FNDC3A: variants seen among roughly 807,000 people sequenced by gnomAD.
The protein encoded by FNDC3A is fibronectin type III domain containing 3A.
A neutral mutation model predicts 148.9 loss-of-function variants in FNDC3A; 32 were observed. The ratio of observed to expected loss-of-function variants is 0.21; its 90% CI spans 0.16 to 0.29. The LOEUF (loss-of-function observed/expected upper bound fraction) is 0.29. Ranked by LOEUF, FNDC3A falls within the 10% of genes least tolerant of loss-of-function variation. The pLI, the probability that FNDC3A is intolerant of heterozygous loss-of-function variation, is 1.00. For missense variants in FNDC3A, 1,191 were observed against 1,452.8 expected (o/e 0.82, Z 2.93); for synonymous variants, 472 against 473.6 (o/e 1.00, Z 0.04).
chr13:49,045,053 C>A, intron 2 of FNDC3A: 1 of 110,448 alleles, frequency 9.1e-6, no homozygotes. Flanking sequence ...TTTTCCTTTC[C>A]CTTTCCCTTT....
intron 1 of FNDC3A, among the ~76,000 whole-genome samples, chr13:48,985,769 C>A (rs989163016): frequency 2.6e-5 from 4 of 152,032 alleles, no homozygotes; most frequent in Admixed American, 6.6e-5. Context: ...AAGGGTACAC[C>A]ACAGTTGTTA....
chr13:49,018,743 T>C (rs1355494295), intron 2 of FNDC3A, among the ~76,000 whole-genome samples: 3 of 152,262 alleles, frequency 2.0e-5, no homozygotes, highest in South Asian at 4.1e-4. Context: ...TTATCTACTT[T>C]TGGTCTTTGA....
intron 1 of FNDC3A, among the ~76,000 whole-genome samples, chr13:48,984,041 T>TA (rs1443874753): frequency 2.0e-5 from 3 of 152,146 alleles, no homozygotes; most frequent in African/African-American, 7.2e-5. Flanking sequence ...TGATTGGCTA[T>TA]AAGATAAAGT....
At chr13:49,136,262 T>C in intron 5 of FNDC3A, 70 bp from the exon 6 acceptor site, 1 of 1,311,992 alleles carries the variant, frequency 7.6e-7, no homozygotes, top group Non-Finnish European at 1.0e-6. Context: ...TATTTTCTGT[T>C]CTTTTTTCAT....
chr13:49,098,358 A>C (rs1268722818), intron 3 of FNDC3A, among the ~76,000 whole-genome samples: 1 of 151,994 alleles, frequency 6.6e-6, no homozygotes, highest in Non-Finnish European at 1.5e-5. Flanking sequence ...GTGTGATGTC[A>C]AAGTGTGGGT....
chr13:49,182,142 CT>C (rs1593717788), intron 14 of FNDC3A, among the ~76,000 whole-genome samples: 2 of 152,100 alleles, frequency 1.3e-5, no homozygotes, highest in East Asian at 3.9e-4. Flanking sequence ...GCCACCACAC[CT>C]GGCTATTTTT....
chr13:49,073,751 ATATATAATATATATG>A (rs1277343001), intron 2 of FNDC3A, among the ~76,000 whole-genome samples: 3 of 146,560 alleles, frequency 2.0e-5, no homozygotes, highest in East Asian at 2.0e-4. Flanking sequence ...ATATATGTGT[ATATATAATATATATG>A]TATATAATAT....
intron 10 of FNDC3A, among the ~76,000 whole-genome samples, chr13:49,171,341 G>A (rs1884743671): frequency 6.6e-6 from 1 of 152,040 alleles, no homozygotes; most frequent in Non-Finnish European, 1.5e-5. Context: ...TTTTGACCAG[G>A]GGAGTCTTAA....
At chr13:49,079,729 C>G (rs147912176) in intron 3 of FNDC3A, among the ~76,000 whole-genome samples, 1 of 152,108 alleles carries the variant, frequency 6.6e-6, no homozygotes, top group African/African-American at 2.4e-5. Context: ...GAGCTTCTCT[C>G]TCTTCCCTTC....
At chr13:48,989,682 A>G (rs1391210776) in intron 1 of FNDC3A, among the ~76,000 whole-genome samples, 1 of 152,212 alleles carries the variant, frequency 6.6e-6, no homozygotes, top group African/African-American at 2.4e-5. Flanking sequence ...ATAAACCAAT[A>G]AGCACAATAA....
At chr13:49,028,760 A>G (rs1169664668) in intron 2 of FNDC3A, among the ~76,000 whole-genome samples, 1 of 152,218 alleles carries the variant, frequency 6.6e-6, no homozygotes, top group African/African-American at 2.4e-5. Flanking sequence ...GACAGAATTG[A>G]TGGGAGAAAT....
At position 49,085,516 on chromosome 13, in the gene FNDC3A, T is replaced by G. The variant is rs1878749415; in HGVS notation, c.175+10152T>G. Among the ~76,000 whole-genome samples the G allele has an allele frequency of 2.0e-5, 3 of 152,214 alleles. No homozygotes were observed. In the South Asian group the frequency reaches 6.2e-4, roughly 32 times the overall value. ...CTGAGACACCTCAGCCTCATGACTC[T>G]TGATACTTCAGGGCTTTGATATTAG... On this transcript the variant is annotated intron_variant, in intron 3 of 25. Coordinates refer to ENST00000492622, the MANE Select transcript of FNDC3A (RefSeq NM_001079673.2).
intron 1 of FNDC3A, among the ~76,000 whole-genome samples, chr13:48,978,006 A>G (rs1437050217): frequency 6.6e-6 from 1 of 152,078 alleles, no homozygotes; most frequent in East Asian, 1.9e-4. Flanking sequence ...GAAAAATAAA[A>G]TCCTGGTTAA....
chr13:49,171,938 C>A, intron 10 of FNDC3A, 105 bp from the exon 11 acceptor site: 2 of 760,764 alleles, frequency 2.6e-6, no homozygotes, highest in Non-Finnish European at 4.3e-6. Context: ...GACCAAGTCA[C>A]AGAAAACATC....
chr13:49,079,045 A>G (rs1878300235), intron 3 of FNDC3A, among the ~76,000 whole-genome samples: 1 of 152,218 alleles, frequency 6.6e-6, no homozygotes, highest in South Asian at 2.1e-4. Context: ...TGTTCAGAAT[A>G]TTTAGAAATG....
intron 8 of FNDC3A, among the ~76,000 whole-genome samples, chr13:49,156,183 GC>G (rs1883666402): frequency 6.7e-6 from 1 of 149,168 alleles, no homozygotes; most frequent in Non-Finnish European, 1.5e-5. Context: ...CTAAGGACTT[GC>G]TTTATGAATC....
At chr13:48,976,505 G>T (rs1951602189) in intron 1 of FNDC3A, 1 of 152,558 alleles carries the variant, frequency 6.6e-6, no homozygotes, top group South Asian at 2.1e-4. Context: ...CCCGAGGGAG[G>T]TGGCGCTGGT....
rs1268526082 is a variant in FNDC3A, at chr13:49,097,238, A to T, written c.176-17417A>T. 3.3e-5 allele frequency among the ~76,000 whole-genome samples: 5 copies of T among 152,154 alleles called. No homozygotes were observed. The East Asian group carries it at 9.7e-4, about 29-fold the overall frequency. On this transcript the variant is annotated intron_variant, in intron 3 of 25. Coordinates refer to ENST00000492622, the MANE Select transcript of FNDC3A (RefSeq NM_001079673.2). Reference sequence around the variant, plus strand: ...AACTAGGATGATTTACAAATTTCACAGACAAGAAGAACTATGAGAACAACT... The same window carrying T: ...AACTAGGATGATTTACAAATTTCACTGACAAGAAGAACTATGAGAACAACT...
chr13:49,034,150 A>G (rs1313831957), intron 2 of FNDC3A, among the ~76,000 whole-genome samples: 1 of 152,056 alleles, frequency 6.6e-6, no homozygotes, highest in Admixed American at 6.5e-5. Context: ...TATAATTTGA[A>G]TATAGAATTT....
Sources: allele counts gnomAD v4.1 joint callset (sites outside exome capture counted in the v4.1 genomes callset), GRCh38; gene constraint gnomAD v4.1.1; transcripts MANE v1.5; gene names NCBI Gene and HGNC (gene_info 2026-07-23, HGNC 2026-07-21).